BMPR2: variants seen among roughly 807,000 people sequenced by gnomAD.
The protein encoded by BMPR2 is bone morphogenetic protein receptor type-2.
A neutral mutation model predicts 100.8 loss-of-function variants in BMPR2; 29 were observed. The observed-to-expected ratio is 0.29, with a 90% CI of 0.21 to 0.39. BMPR2 has a LOEUF of 0.39. Ranked by LOEUF, BMPR2 falls within the 10% of genes least tolerant of loss-of-function variation. The pLI is 1.00. For missense variants in BMPR2, 1,011 were observed against 1,274.5 expected (o/e 0.79, Z 3.15); for synonymous variants, 382 against 442.3 (o/e 0.86, Z 1.71).
At chr2:202,380,841 A>G (rs928947697) in intron 1 of BMPR2, among the ~76,000 whole-genome samples, 2 of 142,768 alleles carry the variant, frequency 1.4e-5, no homozygotes, top group Admixed American at 1.4e-4. Context: ...CTGGTCTTGA[A>G]CTCCTGATCT....
At chr2:202,393,889 G>GAGAGAGAGAGAA (rs1690604542) in intron 1 of BMPR2, among the ~76,000 whole-genome samples, 1 of 58,428 alleles carries the variant, frequency 1.7e-5, no homozygotes, top group Non-Finnish European at 3.3e-5. Flanking sequence ...GAGCGAGAGA[G>GAGAGAGAGAGAA]AGAGAGAGAG....
rs974672134 is a variant in BMPR2 at position 202,564,653 on chromosome 2, G to A, written c.*4707G>A. 2.6e-5 allele frequency: 4 copies of A among 152,150 alleles called. No homozygotes were observed. Among genetic ancestry groups the A allele is most frequent in the Non-Finnish European group, 5.9e-5 (4 of 68,028 alleles). 9.4% of individuals were successfully genotyped at this position (152,150 alleles called of 1,614,324 possible). A position where few individuals can be genotyped will look rare whatever the true frequency, so the allele number is the denominator to read the frequency against. ...TGTTTGAGCTAGTTACATAAAATTT[G>A]TTATCAAGAGAAGGCTTTTCTACAA... On this transcript the variant is annotated 3_prime_UTR_variant, in exon 13 of 13. Coordinates refer to ENST00000374580, the MANE Select transcript of BMPR2 (RefSeq NM_001204.7).
chr2:202,478,738 C>T (rs1040128865), intron 3 of BMPR2, among the ~76,000 whole-genome samples: 5 of 152,046 alleles, frequency 3.3e-5, no homozygotes, highest in South Asian at 2.1e-4. Flanking sequence ...AGCAAAACCC[C>T]GTCTCTACAA....
At chr2:202,506,888 G>A (rs1159485643) in intron 3 of BMPR2, among the ~76,000 whole-genome samples, 11 of 151,558 alleles carry the variant, frequency 7.3e-5, no homozygotes. Context: ...TGACAAGAGC[G>A]AAACTCTGTC....
At chr2:202,392,620 C>G (rs1282278358) in intron 1 of BMPR2, among the ~76,000 whole-genome samples, 4 of 152,150 alleles carry the variant, frequency 2.6e-5, no homozygotes, top group African/African-American at 4.8e-5. Context: ...ATTTCTGGCT[C>G]TCATTGTAGA....
At chr2:202,490,775 G>A (rs1418195693) in intron 3 of BMPR2, among the ~76,000 whole-genome samples, 1 of 152,182 alleles carries the variant, frequency 6.6e-6, no homozygotes, top group Non-Finnish European at 1.5e-5. Flanking sequence ...GGGAAAAGAA[G>A]TGTCTGTTTT....
At chr2:202,518,081 C>T (rs1336055351) in intron 5 of BMPR2, among the ~76,000 whole-genome samples, 1 of 147,020 alleles carries the variant, frequency 6.8e-6, no homozygotes, top group Admixed American at 6.8e-5. Context: ...CCACCTCAGC[C>T]TCCCAAAGGG....
At chr2:202,474,725 G>C (rs755150602) in intron 3 of BMPR2, 1 of 152,170 alleles carries the variant, frequency 6.6e-6, no homozygotes, top group Non-Finnish European at 1.5e-5. Context: ...GTTTCACCGT[G>C]TTAGCCAGGA....
At chr2:202,438,925 G>C (rs1486798456) in intron 1 of BMPR2, among the ~76,000 whole-genome samples, 1 of 150,624 alleles carries the variant, frequency 6.6e-6, no homozygotes, top group Non-Finnish European at 1.5e-5. Context: ...TTGTTCTTCT[G>C]TTTCAAGATT....
At chr2:202,417,617 T>C (rs573993046) in intron 1 of BMPR2, among the ~76,000 whole-genome samples, 1 of 152,178 alleles carries the variant, frequency 6.6e-6, no homozygotes, top group South Asian at 2.1e-4. Context: ...ATGAAGTATT[T>C]TTAAATTAAG....
chr2:202,465,466 A>G (rs1286475065), intron 2 of BMPR2, among the ~76,000 whole-genome samples: 2 of 152,230 alleles, frequency 1.3e-5, no homozygotes, highest in African/African-American at 4.8e-5. Flanking sequence ...TATTTTTAAA[A>G]CATCTTTCTT....
rs201245778 is a variant in BMPR2 at position 202,460,648 on chromosome 2, C to T, written c.77-4161C>T. ...ACAGAAGCAGAGGAAACAATGAGAA[C>T]GATAAAAGAGAATGTGCTGATTTTG... On this transcript the variant is annotated intron_variant, in intron 1 of 12. Coordinates refer to ENST00000374580, the MANE Select transcript of BMPR2 (RefSeq NM_001204.7). Among the ~76,000 whole-genome samples the T allele has an allele frequency of 1.4e-4, 21 of 151,698 alleles. No individual in the cohort carries two copies. In the East Asian group the frequency reaches 2.9e-3, roughly 21 times the overall value.
intron 7 of BMPR2, among the ~76,000 whole-genome samples, chr2:202,527,743 C>A (rs1687944511): frequency 6.7e-6 from 1 of 150,232 alleles, no homozygotes; most frequent in Non-Finnish European, 1.5e-5. Context: ...GCCGACATTG[C>A]GCCACTGCAG....
At chr2:202,380,096 G>A (rs1690244858) in intron 1 of BMPR2, among the ~76,000 whole-genome samples, 2 of 151,644 alleles carry the variant, frequency 1.3e-5, no homozygotes, top group African/African-American at 4.8e-5. Flanking sequence ...TCGAACTCCT[G>A]ACCTCGTGAT....
At position 202,549,082 on chromosome 2, in the gene BMPR2, C is replaced by G. The variant is rs1374273279; in HGVS notation, c.1414-3634C>G. On this transcript the variant is annotated intron_variant, in intron 10 of 12. Transcript: ENST00000374580. The stretch of plus-strand genomic sequence containing the variant: ...CCCCAGGCAACCACTGATCTGCTTT[C>G]TGTCACTAGAGATTAGTTTACATTT... Among the ~76,000 whole-genome samples the G allele has an allele frequency of 2.6e-5, 4 of 152,250 alleles. No individual in the cohort carries two copies. The East Asian group carries it at 7.7e-4, about 29-fold the overall frequency.
intron 1 of BMPR2, among the ~76,000 whole-genome samples, chr2:202,418,619 G>C (rs530073859): frequency 1.9e-4 from 29 of 152,268 alleles, no homozygotes; most frequent in Middle Eastern, 6.8e-3. Flanking sequence ...AGTTCAGAAA[G>C]GGGGGACTTC....
intron 3 of BMPR2, among the ~76,000 whole-genome samples, chr2:202,483,345 AT>A (rs1353359326): frequency 6.7e-6 from 1 of 148,200 alleles, no homozygotes; most frequent in Non-Finnish European, 1.5e-5. Context: ...GCAAGTTTTT[AT>A]TTTTGTTTTT....
intron 1 of BMPR2, among the ~76,000 whole-genome samples, chr2:202,387,478 T>C (rs1305428974): frequency 2.0e-5 from 3 of 152,238 alleles, no homozygotes; most frequent in African/African-American, 7.2e-5. Context: ...ATTCATATAA[T>C]ACATAAAGTG....
chr2:202,561,302 A>G lies in BMPR2; in HGVS notation c.*1356A>G, dbSNP rs1465398202. On this transcript the variant is annotated 3_prime_UTR_variant, in exon 13 of 13. Transcript: ENST00000374580. Reference sequence around the variant, plus strand: ...TATTTTCATAATTTTTCCTTTTGCCAGTTTTTCACATTATCTTTGATATGT... The same window carrying G: ...TATTTTCATAATTTTTCCTTTTGCCGGTTTTTCACATTATCTTTGATATGT... 6.6e-6 allele frequency: 1 copy of G among 152,120 alleles called. No homozygotes were observed. Among genetic ancestry groups the G allele is most frequent in the South Asian group, 2.1e-4 (1 of 4,830 alleles). The allele number at this position is 152,120 out of a possible 1,614,324, so 9.4% of individuals were successfully genotyped here. A position where few individuals can be genotyped will look rare whatever the true frequency, so the allele number is the denominator to read the frequency against.
Sources: gnomAD v4.1 joint callset for allele counts (sites outside exome capture counted in the v4.1 genomes callset) on GRCh38, gnomAD v4.1.1 for gene constraint, MANE v1.5 for transcripts, NCBI Gene and HGNC (gene_info 2026-07-23, HGNC 2026-07-21) for gene names.